Variants in ZNF563 observed in about 807,000 individuals in gnomAD.
ZNF563 encodes zinc finger protein 563.
Under a neutral mutation model 48.5 loss-of-function variants are expected in ZNF563, and 39 were observed. The observed-to-expected ratio is 0.80, with a 90% CI of 0.62 to 1.05. The LOEUF is 1.05. Ranked by LOEUF, ZNF563 falls within the 50% of genes least tolerant of loss-of-function variation. ZNF563 has a pLI of 0.00. For synonymous variants in ZNF563, 168 were observed against 187.9 expected, an observed-to-expected ratio of 0.89 and a Z score of 0.87; for missense variants, 538 against 597.0, an observed-to-expected ratio of 0.90 and a Z score of 1.03.
In ZNF563 at chr19:12,319,269, C is replaced by T. The variant is rs187827621; in HGVS notation, c.756G>A (p.Pro252=). ...CTTTAGAACACTGCTTACATTCATA[C>T]GGTTTCTCCCCAGTGTGCATTCTCT... is the stretch of plus-strand genomic sequence containing the variant. ...RHERMHTGEK[P]YECKQCSKAL... The change falls in exon 4 of 4, where the codon CCG becomes CCA. Residue 252 remains proline, a synonymous_variant. Transcript: ENST00000293725. The T allele has an allele frequency of 2.7e-5, 43 of 1,613,626 alleles. No homozygotes were observed. The highest frequency in any genetic ancestry group is 8.8e-5 in the South Asian group (8 of 91,028).
At chr19:12,343,598 GGAA>G in the ZNF563 span, among the ~76,000 whole-genome samples, 1 of 152,112 alleles carries the variant, frequency 6.6e-6, no homozygotes. Context: ...GAAACAAAAT[GGAA>G]GAAGAAACAA....
At chr19:12,337,585 G>A (rs1224311039), upstream of ZNF563, among the ~76,000 whole-genome samples, 1 of 152,100 alleles carries the variant, frequency 6.6e-6, no homozygotes, top group Non-Finnish European at 1.5e-5. Flanking sequence ...CAATACAGAT[G>A]ATAAAAGTAA....
At chr19:12,330,048 A>G (rs1232690608) in intron 1 of ZNF563, among the ~76,000 whole-genome samples, 1 of 151,800 alleles carries the variant, frequency 6.6e-6, no homozygotes, top group Non-Finnish European at 1.5e-5. Flanking sequence ...AGCCTCCCGA[A>G]TAGCTGGGAT....
intron 1 of ZNF563, among the ~76,000 whole-genome samples, chr19:12,330,734 T>C (rs966162685): frequency 1.3e-5 from 2 of 152,202 alleles, no homozygotes; most frequent in African/African-American, 2.4e-5. Context: ...AACACCTCCA[T>C]ATACAATAAT....
In ZNF563 at chr19:12,326,814, A is replaced by C. The variant is rs1342815330; in HGVS notation, c.4-4103T>G. On this transcript the variant is annotated intron_variant, in intron 1 of 3. Transcript: ENST00000293725. The stretch of plus-strand genomic sequence containing the variant: ...GAGAAATGACACAAGTTAGAAATTC[A>C]CATCACATTAAATGAAGACATAAAA... 2.6e-5 allele frequency among the ~76,000 whole-genome samples: 4 copies of C among 152,206 alleles called. No individual in the cohort carries two copies. The East Asian group carries it at 5.8e-4, about 22-fold the overall frequency.
upstream of ZNF563, among the ~76,000 whole-genome samples, chr19:12,337,966 G>T (rs1199849850): frequency 6.6e-6 from 1 of 152,142 alleles, no homozygotes; most frequent in Non-Finnish European, 1.5e-5. Flanking sequence ...GCCGAGCATG[G>T]TGGCATAGAA....
At chr19:12,329,913 T>C (rs527417437) in intron 1 of ZNF563, among the ~76,000 whole-genome samples, 25 of 148,234 alleles carry the variant, frequency 1.7e-4, no homozygotes, top group African/African-American at 6.3e-4. Context: ...ATACTTTCTT[T>C]TCTTTTCTTT....
chr19:12,336,288 T>C (rs113922896), upstream of ZNF563, among the ~76,000 whole-genome samples: 7,408 of 152,060 alleles, frequency 0.049, 600 homozygotes, highest in African/African-American at 0.17. Flanking sequence ...CGGGGAGATC[T>C]TGGTTCCTCA....
At chr19:12,344,555 G>A in the ZNF563 span, among the ~76,000 whole-genome samples, 184 of 152,156 alleles carry the variant, frequency 1.2e-3, no homozygotes, top group African/African-American at 4.3e-3. Context: ...GATAAACCAG[G>A]AATGGAAAGA....
rs762484361 is a variant in ZNF563 at position 12,319,234 on chromosome 19, T to C, written c.791A>G (p.Asp264Gly). The C allele has an allele frequency of 6.2e-7, 1 of 1,613,888 alleles. No individual in the cohort carries two copies. Among genetic ancestry groups the C allele is most frequent in the Non-Finnish European group, 8.5e-7 (1 of 1,180,000 alleles). The change falls in exon 4 of 4, where the codon GAT becomes GGT. Residue 264 changes from aspartate (D) to glycine (G), a missense_variant. By Grantham distance (94) the Asp-to-Gly change is moderately conservative. Transcript: ENST00000293725. ...TTCATGTCTTATATAGGAACTGGAA[T>C]CAGGCAAGGCTTTAGAACACTGCTT... ...ECKQCSKALP[D>G]SSSYIRHERT...
chr19:12,321,221 ACT>A (rs1968613014), intron 3 of ZNF563, 49 bp downstream of exon 3: 1 of 1,278,240 alleles, frequency 7.8e-7, no homozygotes, highest in East Asian at 2.5e-5. Context: ...ATTTCCTTTT[ACT>A]CTGAGAATCA....
At chr19:12,335,263 G>C (rs1355159947), upstream of ZNF563, among the ~76,000 whole-genome samples, 1 of 152,204 alleles carries the variant, frequency 6.6e-6, no homozygotes, top group Non-Finnish European at 1.5e-5. Context: ...TTCTATCCAA[G>C]GCTAGCCTTA....
At chr19:12,327,963 G>C (rs1030668761) in intron 1 of ZNF563, among the ~76,000 whole-genome samples, 2 of 152,158 alleles carry the variant, frequency 1.3e-5, no homozygotes, top group Non-Finnish European at 2.9e-5. Context: ...TATAGTTGGA[G>C]GGAAACAACT....
In ZNF563 at chr19:12,319,345, C is replaced by T; in HGVS notation, c.680G>A (p.Cys227Tyr). The T allele has an allele frequency of 6.2e-7, 1 of 1,614,178 alleles. No homozygotes were observed. The highest frequency in any genetic ancestry group is 8.5e-7 in the Non-Finnish European group (1 of 1,180,028). ...AGGAAAGGCTTTAGAACACTGCTTA[C>T]ATTCATACGGTTTCTCTCCAGTGTG... ...RTHTGEKPYE[C>Y]KQCSKAFPFY... Residue 227 changes from cysteine (C) to tyrosine (Y), a missense_variant, in exon 4 of 4, where the codon TGT becomes TAT. Transcript: ENST00000293725.
intron 1 of ZNF563, among the ~76,000 whole-genome samples, chr19:12,325,851 A>C (rs1028442014): frequency 3.3e-5 from 5 of 152,226 alleles, no homozygotes; most frequent in Admixed American, 3.3e-4. Flanking sequence ...CAGAACACAA[A>C]TGAACACAAG....
chr19:12,334,868 C>CAAA (rs35412288), upstream of ZNF563, among the ~76,000 whole-genome samples: 103 of 45,030 alleles, frequency 2.3e-3, 2 homozygotes, highest in African/African-American at 8.1e-3. Flanking sequence ...GACCTGGTCT[C>CAAA]AAAAAAAAAA....
At chr19:12,341,987 C>G in the ZNF563 span, among the ~76,000 whole-genome samples, 1 of 152,268 alleles carries the variant, frequency 6.6e-6, no homozygotes, top group South Asian at 2.1e-4. Context: ...GGTCTTCATA[C>G]AATTCTAAAA....
At chr19:12,322,753 A>G in intron 1 of ZNF563, 42 bp from the exon 2 acceptor site, 1 of 1,534,722 alleles carries the variant, frequency 6.5e-7, no homozygotes, top group Non-Finnish European at 8.8e-7. Context: ...GTTGAGTGAC[A>G]GTACTGAAAA....
the ZNF563 span, chr19:12,346,194 AT>A: frequency 6.6e-6 from 1 of 152,140 alleles, no homozygotes; most frequent in Non-Finnish European, 1.5e-5. Flanking sequence ...AAAGAAAGAA[AT>A]TTTCTAAATA....
Sources: allele counts gnomAD v4.1 joint callset (sites outside exome capture counted in the v4.1 genomes callset), GRCh38; gene constraint gnomAD v4.1.1; transcripts MANE v1.5; gene names NCBI Gene and HGNC (gene_info 2026-07-23, HGNC 2026-07-21).